MARCHF5: variants seen among roughly 807,000 people sequenced by gnomAD.
MARCHF5 encodes the protein membrane associated ring-CH-type finger 5.
In MARCHF5, 5 loss-of-function variants were observed where a neutral mutation model predicts 36.5. The observed-to-expected ratio is 0.14, with a 90% CI of 0.07 to 0.29. The LOEUF (loss-of-function observed/expected upper bound fraction) is 0.29. MARCHF5 is among the 10% of genes least tolerant of loss of function. MARCHF5 has a pLI of 1.00. For synonymous variants in MARCHF5, 103 were observed against 109.9 expected, an observed-to-expected ratio of 0.94 and a Z score of 0.39; for missense variants, 179 against 336.3, an observed-to-expected ratio of 0.53 and a Z score of 3.66.
intron 2 of MARCHF5, among the ~76,000 whole-genome samples, chr10:92,330,683 G>A (rs1843425402): frequency 6.6e-6 from 1 of 152,162 alleles, no homozygotes; most frequent in Admixed American, 6.5e-5. Flanking sequence ...CCCTTTTGGG[G>A]TGACCATATA....
chr10:92,301,690 T>C (rs1372866210), intron 1 of MARCHF5, among the ~76,000 whole-genome samples: 3 of 152,252 alleles, frequency 2.0e-5, no homozygotes, highest in Admixed American at 1.3e-4. Context: ...GTCCCTGATA[T>C]AAAATGGTGT....
At chr10:92,340,847 T>C in intron 3 of MARCHF5, 44 bp downstream of exon 3, 1 of 1,469,840 alleles carries the variant, frequency 6.8e-7, no homozygotes. Context: ...GGTGTGAAGA[T>C]CTATTAAAAC....
chr10:92,291,325 GC>G lies in MARCHF5; in HGVS notation c.-167del. The G allele has an allele frequency of 6.1e-6, 4 of 650,876 alleles. 1 individual carries two copies. Among genetic ancestry groups the G allele is most frequent in the Non-Finnish European group, 1.1e-5 (4 of 369,740 alleles). The allele number at this position is 650,876 out of a possible 1,614,324, so 40.3% of individuals were successfully genotyped here. A position where few individuals can be genotyped will look rare whatever the true frequency, so the allele number is the denominator to read the frequency against. On this transcript the variant is annotated 5_prime_UTR_variant, in exon 1 of 6. It introduces an in-frame stop codon into an upstream open reading frame of the 5' UTR. Transcript: ENST00000358935. The stretch of plus-strand genomic sequence containing the variant: ...CGCCGCCTCCGCCGGACTCCCGCAG[GC>G]CCTGCACCGCCGCCGCCAGGCTAGC...
At position 92,291,395 on chromosome 10, in the gene MARCHF5, C is replaced by T. The variant is rs1312533830; in HGVS notation, c.-100C>T. Reference sequence around the variant, plus strand: ...TGGGTGACGGGTTCGCGGCTGCCGCCGGACTGCGGCCTACTCCGCCGCCTC... The same window carrying T: ...TGGGTGACGGGTTCGCGGCTGCCGCTGGACTGCGGCCTACTCCGCCGCCTC... On this transcript the variant is annotated 5_prime_UTR_variant, in exon 1 of 6. Transcript: ENST00000358935. 10 of 1,112,620 alleles carry T rather than the reference C, an allele frequency of 9.0e-6. No homozygotes were observed. The highest frequency in any genetic ancestry group is 8.0e-5 in the South Asian group (6 of 75,370). The allele number at this position is 1,112,620 out of a possible 1,614,324, so 68.9% of individuals were successfully genotyped here.
At position 92,295,999 on chromosome 10, in the gene MARCHF5, C is replaced by T. The variant is rs545665351; in HGVS notation, c.35+4470C>T. Among the ~76,000 whole-genome samples the T allele has an allele frequency of 8.6e-3, 1,312 of 151,926 alleles. 14 individuals carry two copies. Among genetic ancestry groups the T allele is most frequent in the Non-Finnish European group, 0.011 (762 of 67,972 alleles). ...CGCGTGATTCTCCTGCCTTAGCTTCCGGAGTAGCTGGGATTACAGGCATGT... is the reference window on the plus strand; with the variant it reads ...CGCGTGATTCTCCTGCCTTAGCTTCTGGAGTAGCTGGGATTACAGGCATGT... On this transcript the variant is annotated intron_variant, in intron 1 of 5. Transcript: ENST00000358935.
rs184372192 is a variant in MARCHF5, at chr10:92,303,193, A to G, written c.36-7942A>G. On this transcript the variant is annotated intron_variant, in intron 1 of 5. Coordinates refer to ENST00000358935, the MANE Select transcript of MARCHF5 (RefSeq NM_017824.5). ...AAAAATAATTAACCTGTTTGATCAG[A>G]TAGACTGTAAATTAGTCACAAATGA... 2.0e-5 allele frequency among the ~76,000 whole-genome samples: 3 copies of G among 152,312 alleles called. No individual in the cohort carries two copies. In the East Asian group the frequency reaches 5.8e-4, roughly 29 times the overall value.
At chr10:92,337,326 C>G (rs1843514848) in intron 2 of MARCHF5, among the ~76,000 whole-genome samples, 1 of 151,852 alleles carries the variant, frequency 6.6e-6, no homozygotes, top group Non-Finnish European at 1.5e-5. Context: ...ACCAATCTGA[C>G]AAACATGGAG....
chr10:92,344,684 A>C (rs1205249038), intron 3 of MARCHF5, among the ~76,000 whole-genome samples: 1 of 152,218 alleles, frequency 6.6e-6, no homozygotes, highest in Non-Finnish European at 1.5e-5. Flanking sequence ...ACCCTGCAGT[A>C]CAAGTAAACC....
At chr10:92,302,572 G>T (rs1462085091) in intron 1 of MARCHF5, among the ~76,000 whole-genome samples, 1 of 151,744 alleles carries the variant, frequency 6.6e-6, no homozygotes, top group Non-Finnish European at 1.5e-5. Context: ...AGCCTCCTGA[G>T]TAGCTGGGAT....
At chr10:92,336,226 G>A (rs1355922102) in intron 2 of MARCHF5, among the ~76,000 whole-genome samples, 2 of 152,112 alleles carry the variant, frequency 1.3e-5, no homozygotes, top group African/African-American at 2.4e-5. Context: ...TAGTAGAAAC[G>A]GGGTTTCACC....
intron 3 of MARCHF5, among the ~76,000 whole-genome samples, chr10:92,346,993 C>T (rs1369732452): frequency 6.6e-6 from 1 of 152,046 alleles, no homozygotes; most frequent in Non-Finnish European, 1.5e-5. Flanking sequence ...AATATTTAAT[C>T]ATATTTAGTT....
chr10:92,336,289 G>T lies in MARCHF5; in HGVS notation c.239-4384G>T, dbSNP rs191125742. 3.7e-3 allele frequency among the ~76,000 whole-genome samples: 565 copies of T among 152,254 alleles called. 3 individuals carry two copies. The highest frequency in any genetic ancestry group is 0.013 in the African/African-American group (538 of 41,550). On this transcript the variant is annotated intron_variant, in intron 2 of 5. Transcript: ENST00000358935. ...TGACCTCAGGTGATCCGCCCACCTT[G>T]GCCTCCCAAAGTGCTGGGATTACAG... is the stretch of plus-strand genomic sequence containing the variant.
intron 1 of MARCHF5, among the ~76,000 whole-genome samples, chr10:92,293,498 C>T (rs1353937149): frequency 6.6e-6 from 1 of 151,258 alleles, no homozygotes; most frequent in Non-Finnish European, 1.5e-5. Context: ...AGCCTGGGCA[C>T]GGTGGCTCAC....
At chr10:92,310,276 G>T (rs1843128132) in intron 1 of MARCHF5, among the ~76,000 whole-genome samples, 1 of 152,176 alleles carries the variant, frequency 6.6e-6, no homozygotes. Flanking sequence ...TAATGGAGGG[G>T]AGGAGCGAAG....
Position 92,353,579 on chromosome 10 carries a change from G to C in MARCHF5, c.*2372G>C, listed in dbSNP as rs1358809241. The C allele has an allele frequency of 6.6e-6, 1 of 152,356 alleles. No individual in the cohort carries two copies. Among genetic ancestry groups the C allele is most frequent in the African/African-American group, 2.4e-5 (1 of 41,428 alleles). The allele number at this position is 152,356 out of a possible 1,614,324, so 9.4% of individuals were successfully genotyped here. ...GTTTGCACTCTAGGAAAAGTAAATGGAGAGGTAAAAGAAAGGCATTGGGGA... is the reference window on the plus strand; with the variant it reads ...GTTTGCACTCTAGGAAAAGTAAATGCAGAGGTAAAAGAAAGGCATTGGGGA... On this transcript the variant is annotated 3_prime_UTR_variant, in exon 6 of 6. Transcript: ENST00000358935.
chr10:92,347,463 CAGATAGATAGATAGAT>C (rs71025396), intron 3 of MARCHF5, among the ~76,000 whole-genome samples: 7 of 82,494 alleles, frequency 8.5e-5, no homozygotes, highest in African/African-American at 2.6e-4. Flanking sequence ...AACTCCGTCT[CAGATAGATAGATAGAT>C]AGATAGATAG....
rs1165917079 is a variant in MARCHF5 at position 92,335,688 on chromosome 10, CT to C, written c.239-4977del. Among the ~76,000 whole-genome samples the C allele has an allele frequency of 2.0e-5, 3 of 152,074 alleles. No individual in the cohort carries two copies. The South Asian group carries it at 6.2e-4, about 32-fold the overall frequency. ...AATTTCCAAAGAGGAAATATGAAGA[CT>C]TTTTTTTCTTATTCAAAAGAATTCA... On this transcript the variant is annotated intron_variant, in intron 2 of 5. Transcript: ENST00000358935.
In MARCHF5 at chr10:92,311,122, T is replaced by C; in HGVS notation, c.36-13T>C. On this transcript the variant is annotated splice_polypyrimidine_tract_variant and intron_variant, in intron 1 of 5. Coordinates refer to ENST00000358935, the MANE Select transcript of MARCHF5 (RefSeq NM_017824.5). ...AAGATATAAATGTCATCCTTTTCTC[T>C]TTTAATTTACAGAAGTTGCTGGGTT... 3 of 1,477,030 alleles carry C rather than the reference T, an allele frequency of 2.0e-6. No individual in the cohort carries two copies. Among genetic ancestry groups the C allele is most frequent in the Non-Finnish European group, 2.8e-6 (3 of 1,060,466 alleles). 91.5% of individuals were successfully genotyped at this position (1,477,030 alleles called of 1,614,324 possible).
At chr10:92,328,784 T>A (rs2135202590) in intron 2 of MARCHF5, among the ~76,000 whole-genome samples, 1 of 149,794 alleles carries the variant, frequency 6.7e-6, no homozygotes, top group Non-Finnish European at 1.5e-5. Flanking sequence ...GGTGTTTAGA[T>A]CTTGTCAGTG....
Sources: gnomAD v4.1 joint callset for allele counts (sites outside exome capture counted in the v4.1 genomes callset) on GRCh38, gnomAD v4.1.1 for gene constraint, MANE v1.5 for transcripts, NCBI Gene and HGNC (gene_info 2026-07-23, HGNC 2026-07-21) for gene names.